The following CAST variants were observed in gnomAD, a reference collection of about 807,000 sequenced individuals.
The protein encoded by CAST is MIR583 host.
CAST carries 76 observed loss-of-function variants against 119.6 expected under a neutral mutation model. The ratio of observed to expected loss-of-function variants is 0.64; its 90% CI spans 0.53 to 0.77. The LOEUF (loss-of-function observed/expected upper bound fraction) is 0.77, where lower values mean the gene tolerates loss of function less well. Ranked by LOEUF, CAST falls within the 30% of genes least tolerant of loss-of-function variation. CAST has a pLI of 0.00. For missense variants in CAST, 953 were observed against 946.5 expected (o/e 1.01, Z -0.09); for synonymous variants, 319 against 331.6 (o/e 0.96, Z 0.41).
the CAST span, among the ~76,000 whole-genome samples, chr5:96,005,673 A>T: frequency 6.6e-6 from 1 of 152,188 alleles, no homozygotes; most frequent in East Asian, 1.9e-4. Flanking sequence ...AATAAAACCA[A>T]TTCAAACTAA....
At chr5:96,108,082 T>C in the CAST span, among the ~76,000 whole-genome samples, 7 of 152,086 alleles carry the variant, frequency 4.6e-5, no homozygotes, top group Admixed American at 3.3e-4. Flanking sequence ...CATCAGCTCC[T>C]TTAAGCACTT....
the CAST span, among the ~76,000 whole-genome samples, chr5:96,284,007 G>A: frequency 6.6e-6 from 1 of 152,182 alleles, no homozygotes; most frequent in Non-Finnish European, 1.5e-5. Flanking sequence ...AGGGATGGGT[G>A]CTGTTATGCA....
chr5:96,497,010 C>A, the CAST span, among the ~76,000 whole-genome samples: 1 of 110,472 alleles, frequency 9.1e-6, no homozygotes, highest in Non-Finnish European at 1.8e-5. Context: ...TCCCTCCCCC[C>A]TCCCCCCACC....
At chr5:96,336,378 A>T in the CAST span, among the ~76,000 whole-genome samples, 1 of 152,234 alleles carries the variant, frequency 6.6e-6, no homozygotes. Flanking sequence ...GGAGAGAGGG[A>T]AAAAGAGAAA....
intron 7 of CAST, 99 bp downstream of exon 7, chr5:96,729,308 A>G: frequency 1.4e-6 from 1 of 700,612 alleles, no homozygotes. Context: ...TACAATGGAT[A>G]GTTGGATATT....
chr5:96,448,422 A>T, the CAST span, among the ~76,000 whole-genome samples: 1 of 152,352 alleles, frequency 6.6e-6, no homozygotes, highest in Middle Eastern at 3.4e-3. Context: ...TCATTCATTC[A>T]TTCATTCATT....
At chr5:96,408,339 A>T in the CAST span, 1 of 1,591,340 alleles carries the variant, frequency 6.3e-7, no homozygotes, top group South Asian at 1.1e-5. Flanking sequence ...TGACGTCAGG[A>T]AGGAGAGAAA....
the CAST span, among the ~76,000 whole-genome samples, chr5:96,093,851 T>C: frequency 1.3e-5 from 2 of 152,220 alleles, no homozygotes; most frequent in Admixed American, 6.5e-5. Context: ...GAAGAAACTA[T>C]TCAAAGTCCT....
chr5:96,405,635 C>T, the CAST span, among the ~76,000 whole-genome samples: 2 of 152,184 alleles, frequency 1.3e-5, no homozygotes, highest in Admixed American at 6.5e-5. Flanking sequence ...CTTGCCACTG[C>T]ACTCCAGCCT....
the CAST span, among the ~76,000 whole-genome samples, chr5:96,346,608 G>T: frequency 6.6e-6 from 1 of 152,116 alleles, no homozygotes; most frequent in Non-Finnish European, 1.5e-5. Flanking sequence ...TTGGTAGAAG[G>T]TATATACTAC....
chr5:95,980,437 C>G, the CAST span: 21 of 152,228 alleles, frequency 1.4e-4, no homozygotes, highest in African/African-American at 5.1e-4. Context: ...CCAAATACAG[C>G]CTGAAAGTTC....
At chr5:96,444,992 A>G in the CAST span, among the ~76,000 whole-genome samples, 2 of 152,190 alleles carry the variant, frequency 1.3e-5, no homozygotes, top group African/African-American at 4.8e-5. Flanking sequence ...GAAAACCTCA[A>G]TGCCAGAGTC....
At chr5:96,383,319 GGCTAGTGT>G in the CAST span, among the ~76,000 whole-genome samples, 2 of 152,230 alleles carry the variant, frequency 1.3e-5, no homozygotes, top group Non-Finnish European at 2.9e-5. Flanking sequence ...ACCGGAGGAA[GGCTAGTGT>G]GCTAGTGTGC....
the CAST span, among the ~76,000 whole-genome samples, chr5:95,970,852 A>G: frequency 1.3e-5 from 2 of 152,226 alleles, no homozygotes; most frequent in African/African-American, 4.8e-5. Context: ...TAAAAGCATC[A>G]AGTATTTGAA....
At chr5:95,965,492 A>C in the CAST span, among the ~76,000 whole-genome samples, 1 of 152,218 alleles carries the variant, frequency 6.6e-6, no homozygotes, top group Non-Finnish European at 1.5e-5. Context: ...GTTAATTCTT[A>C]TTAATGTCTT....
the CAST span, among the ~76,000 whole-genome samples, chr5:96,206,073 G>A: frequency 2.0e-5 from 3 of 151,964 alleles, no homozygotes; most frequent in Non-Finnish European, 4.4e-5. Context: ...GATTAGGGAT[G>A]TTGAGAATTT....
the CAST span, among the ~76,000 whole-genome samples, chr5:96,212,896 C>T: frequency 2.0e-5 from 3 of 151,988 alleles, no homozygotes; most frequent in Non-Finnish European, 4.4e-5. Context: ...GGTAGGAGGA[C>T]TGCTTGAGGC....
intron 1 of CAST, among the ~76,000 whole-genome samples, chr5:96,655,078 A>C (rs1382573574): frequency 6.6e-6 from 1 of 152,220 alleles, no homozygotes; most frequent in East Asian, 1.9e-4. Context: ...TTCTAAGAGG[A>C]TACTGAATAT....
chr5:96,321,390 G>A, the CAST span, among the ~76,000 whole-genome samples: 16 of 152,176 alleles, frequency 1.1e-4, no homozygotes. Flanking sequence ...CACTTTGTTA[G>A]AGCCTGCAAA....
Sources: gnomAD v4.1 joint callset for allele counts (sites outside exome capture counted in the v4.1 genomes callset) on GRCh38, gnomAD v4.1.1 for gene constraint, MANE v1.5 for transcripts, NCBI Gene and HGNC (gene_info 2026-07-23, HGNC 2026-07-21) for gene names.